NR5A2: variants seen among roughly 807,000 people sequenced by gnomAD.
NR5A2 encodes CYP7A promoter-binding factor.
In NR5A2, 26 loss-of-function variants were observed where a neutral mutation model predicts 62.7. That is an observed-to-expected ratio of 0.41 (90% CI 0.30 to 0.58). The LOEUF is 0.58. NR5A2 is among the 20% of genes least tolerant of loss of function. The probability of loss-of-function intolerance (pLI) is 0.22; values close to 1 mark genes in which losing one functional copy is unlikely to be tolerated. For synonymous variants in NR5A2, 246 were observed against 241.7 expected, an observed-to-expected ratio of 1.02 and a Z score of -0.16; for missense variants, 541 against 669.1, an observed-to-expected ratio of 0.81 and a Z score of 2.11.
At chr1:200,027,976 T>G in intron 1 of NR5A2, 65 bp downstream of exon 1, 1 of 1,178,044 alleles carries the variant, frequency 8.5e-7, no homozygotes, top group South Asian at 1.6e-5. Flanking sequence ...AATTTAATCT[T>G]GTTGATGGAT....
chr1:200,082,464 G>A (rs774420260), intron 5 of NR5A2, among the ~76,000 whole-genome samples: 4 of 152,052 alleles, frequency 2.6e-5, no homozygotes, highest in Non-Finnish European at 4.4e-5. Context: ...CAATTATTTG[G>A]TTCACGTTTT....
intron 5 of NR5A2, among the ~76,000 whole-genome samples, chr1:200,093,106 A>G (rs1284935880): frequency 2.0e-5 from 3 of 151,872 alleles, no homozygotes; most frequent in Admixed American, 2.0e-4. Flanking sequence ...GGATTTCACC[A>G]TGTTGGTCAG....
rs1491263803 is a variant in NR5A2, at chr1:200,031,570, CCT to C, written c.64+3660_64+3661del. Among the ~76,000 whole-genome samples, 22 of 141,302 alleles carry C rather than the reference CCT, an allele frequency of 1.6e-4. No individual in the cohort carries two copies. In the South Asian group the frequency reaches 4.8e-3, roughly 31 times the overall value. The allele number at this position is 141,302 out of a possible 152,430, so 92.7% of individuals were successfully genotyped here. A position where few individuals can be genotyped will look rare whatever the true frequency, so the allele number is the denominator to read the frequency against. ...AAAAAGGATTTCTTTTTCTTTAACA[CCT>C]TTTTTTTTTTTTTTTTTTTTTTTGA... On this transcript the variant is annotated intron_variant, in intron 1 of 7. Transcript: ENST00000367362.
At chr1:200,038,256 T>C (rs967081872) in intron 1 of NR5A2, among the ~76,000 whole-genome samples, 13 of 152,244 alleles carry the variant, frequency 8.5e-5, no homozygotes, top group Non-Finnish European at 1.5e-5. Flanking sequence ...AAGTACAGCC[T>C]GGACTGATCC....
intron 5 of NR5A2, among the ~76,000 whole-genome samples, chr1:200,068,279 G>A (rs981279993): frequency 1.3e-5 from 2 of 151,958 alleles, no homozygotes; most frequent in Non-Finnish European, 2.9e-5. Flanking sequence ...TCAAATCCAG[G>A]GATTTATCTA....
At chr1:200,038,108 GGGA>G (rs1404274768) in intron 1 of NR5A2, among the ~76,000 whole-genome samples, 4 of 152,344 alleles carry the variant, frequency 2.6e-5, no homozygotes, top group Non-Finnish European at 4.4e-5. Context: ...TCATCTTGTT[GGGA>G]GGAGATCTGA....
At chr1:200,085,055 C>T (rs766299359) in intron 5 of NR5A2, among the ~76,000 whole-genome samples, 16 of 152,014 alleles carry the variant, frequency 1.1e-4, no homozygotes, top group Middle Eastern at 3.2e-3. Context: ...TCAGGAGGCT[C>T]CAGGGTGGGT....
At chr1:200,072,489 G>T (rs1480861681) in intron 5 of NR5A2, among the ~76,000 whole-genome samples, 1 of 152,094 alleles carries the variant, frequency 6.6e-6, no homozygotes, top group African/African-American at 2.4e-5. Flanking sequence ...ATTAGATCTT[G>T]TATAAAACTT....
At chr1:200,143,424 G>GTT (rs200529531) in intron 7 of NR5A2, among the ~76,000 whole-genome samples, 3 of 147,974 alleles carry the variant, frequency 2.0e-5, no homozygotes, top group African/African-American at 2.5e-5. Context: ...GATTAGTTTT[G>GTT]TTTTTTTTTT....
Position 200,042,929 on chromosome 1 carries a change from C to G in NR5A2, c.203-845C>G, listed in dbSNP as rs1571704226. On this transcript the variant is annotated intron_variant, in intron 2 of 7. Coordinates refer to ENST00000367362, the MANE Select transcript of NR5A2 (RefSeq NM_205860.3). ...TGAGCCGCGCCGCGCGTCGTGGCGG[C>G]CTGATTTCTGTTTAACTTTAATAGG... The G allele has an allele frequency of 3.0e-6, 3 of 985,312 alleles. 1 individual carries two copies. The South Asian group carries it at 1.4e-4, about 46-fold the overall frequency. 61.0% of individuals were successfully genotyped at this position (985,312 alleles called of 1,614,324 possible). A position where few individuals can be genotyped will look rare whatever the true frequency, so the allele number is the denominator to read the frequency against.
At chr1:200,151,826 C>T (rs976674623) in intron 7 of NR5A2, among the ~76,000 whole-genome samples, 8 of 152,212 alleles carry the variant, frequency 5.3e-5, no homozygotes, top group African/African-American at 1.4e-4. Flanking sequence ...AGATTGACTG[C>T]GTAAGCAGAA....
At position 200,147,943 on chromosome 1, in the gene NR5A2, G is replaced by A; in HGVS notation, c.1379-26020G>A. ...GTGGTGCAGCGCTTCGCCGGTGTTG[G>A]TGTTGCCCTGTGGTAGGCGATGCAT... On this transcript the variant is annotated intron_variant, in intron 7 of 7. Coordinates refer to ENST00000367362, the MANE Select transcript of NR5A2 (RefSeq NM_205860.3). The surrounding 1 kb of genome is among the most constrained non-coding windows in gnomAD (Gnocchi z 4.9). 1 of 354,040 alleles carries A rather than the reference G, an allele frequency of 2.8e-6. No homozygotes were observed. The highest frequency in any genetic ancestry group is 5.3e-6 in the Non-Finnish European group (1 of 189,792). The allele number at this position is 354,040 out of a possible 1,614,324, so 21.9% of individuals were successfully genotyped here.
At chr1:200,103,111 C>CA (rs565348871) in intron 5 of NR5A2, among the ~76,000 whole-genome samples, 20 of 145,934 alleles carry the variant, frequency 1.4e-4, no homozygotes, top group African/African-American at 4.8e-4. Flanking sequence ...TGAGTTCATG[C>CA]ATGTAAAACT....
chr1:200,139,935 T>C lies in NR5A2; in HGVS notation c.1378+18980T>C, dbSNP rs193039219. ...TGTCTGGTAGCCCTACGTCCAGTGC[T>C]AAATATTTTGTCATCTCGATTGTAA... On this transcript the variant is annotated intron_variant, in intron 7 of 7. Transcript: ENST00000367362. 4.0e-3 allele frequency among the ~76,000 whole-genome samples: 607 copies of C among 152,356 alleles called. 6 individuals are homozygous for C. Among genetic ancestry groups the C allele is most frequent in the African/African-American group, 0.014 (565 of 41,588 alleles).
At chr1:200,080,146 C>A (rs1664230006) in intron 5 of NR5A2, among the ~76,000 whole-genome samples, 1 of 152,096 alleles carries the variant, frequency 6.6e-6, no homozygotes, top group Non-Finnish European at 1.5e-5. Context: ...ACACAGAGAT[C>A]CATGATTAAT....
Position 200,048,147 on chromosome 1 carries a change from CT to C in NR5A2, c.464-23del. On this transcript the variant is annotated intron_variant, in intron 4 of 7. Transcript: ENST00000367362. The surrounding 1 kb of genome is among the most constrained non-coding windows in gnomAD (Gnocchi z 4.8). ...TGCACCTTATTTATACCTTTCCTTC[CT>C]TCCCCCCACCCCACCCCCAACAGCT... 3 of 1,564,868 alleles carry C rather than the reference CT, an allele frequency of 1.9e-6. No individual in the cohort carries two copies. The highest frequency in any genetic ancestry group is 2.6e-6 in the Non-Finnish European group (3 of 1,157,088).
intron 5 of NR5A2, among the ~76,000 whole-genome samples, chr1:200,049,469 A>AT (rs1368552185): frequency 1.3e-5 from 2 of 152,122 alleles, no homozygotes; most frequent in East Asian, 3.8e-4. Context: ...TGTCTTGTTG[A>AT]TTTTAGTGGA....
At chr1:200,051,616 C>G (rs959928883) in intron 5 of NR5A2, among the ~76,000 whole-genome samples, 1 of 152,214 alleles carries the variant, frequency 6.6e-6, no homozygotes, top group Non-Finnish European at 1.5e-5. Context: ...TTTTGACCCA[C>G]TTCACAGTTT....
chr1:200,028,814 A>G (rs2102128767), intron 1 of NR5A2, among the ~76,000 whole-genome samples: 1 of 150,390 alleles, frequency 6.6e-6, no homozygotes, highest in East Asian at 1.9e-4. Context: ...CTCCATTATA[A>G]CAAGAAAGAA....
Sources: allele counts gnomAD v4.1 joint callset (sites outside exome capture counted in the v4.1 genomes callset), GRCh38; gene constraint gnomAD v4.1.1; non-coding constraint Gnocchi (gnomAD v3.1); transcripts MANE v1.5; gene names NCBI Gene and HGNC (gene_info 2026-07-23, HGNC 2026-07-21).